The following CFAP91 variants were observed in gnomAD, a reference collection of about 807,000 sequenced individuals.
The protein encoded by CFAP91 is cilia- and flagella-associated protein 91.
Under a neutral mutation model 95.9 loss-of-function variants are expected in CFAP91, and 85 were observed. The ratio of observed to expected loss-of-function variants is 0.89; its 90% CI spans 0.74 to 1.06. The LOEUF (loss-of-function observed/expected upper bound fraction) is 1.06, where lower values mean the gene tolerates loss of function less well. CFAP91 is among the 50% of genes least tolerant of loss of function. The pLI is 0.00. For synonymous variants in CFAP91, 335 were observed against 327.5 expected, an observed-to-expected ratio of 1.02 and a Z score of -0.25; for missense variants, 962 against 943.4, an observed-to-expected ratio of 1.02 and a Z score of -0.26.
intron 14 of CFAP91, 131 bp from the exon 15 acceptor site, chr3:119,746,984 T>C (rs1312588890): frequency 1.6e-6 from 1 of 629,372 alleles, no homozygotes; most frequent in Non-Finnish European, 2.6e-6. Flanking sequence ...AAATGAATGA[T>C]TAGTGAAGGG....
intron 7 of CFAP91, among the ~76,000 whole-genome samples, chr3:119,728,123 T>G (rs1255069162): frequency 6.9e-6 from 1 of 145,582 alleles, no homozygotes; most frequent in African/African-American, 2.8e-5. Flanking sequence ...AATAATAATA[T>G]GATAATGATG....
chr3:119,734,532 TCA>T (rs1312375221), intron 10 of CFAP91, among the ~76,000 whole-genome samples: 3 of 152,234 alleles, frequency 2.0e-5, no homozygotes, highest in African/African-American at 2.4e-5. Context: ...CAAATGTTTA[TCA>T]CACAATTTTT....
At position 119,732,768 on chromosome 3, in the gene CFAP91, G is replaced by C. The variant is rs566296241; in HGVS notation, c.1201+292G>C. On this transcript the variant is annotated intron_variant, in intron 9 of 17. Coordinates refer to ENST00000273390, the MANE Select transcript of CFAP91 (RefSeq NM_033364.4). ...GAAATTGAGAAAAGTTTTATTCCAG[G>C]TTTATGAAGCCAACAAGAAATATGT... 5.9e-5 allele frequency among the ~76,000 whole-genome samples: 9 copies of C among 152,238 alleles called. No homozygotes were observed. In the East Asian group the frequency reaches 1.3e-3, roughly 23 times the overall value.
intron 17 of CFAP91, among the ~76,000 whole-genome samples, chr3:119,753,277 T>TG (rs775372694): frequency 2.6e-5 from 4 of 152,144 alleles, no homozygotes; most frequent in Non-Finnish European, 5.9e-5. Flanking sequence ...GAGTCAAGGT[T>TG]GGGGCCCTGG....
chr3:119,765,419 T>TA lies in CFAP91; in HGVS notation c.*371dup, dbSNP rs1315309283. ...TTCACAGGACATTGGCATTATCTAC[T>TA]AAGGCTGAAAATGTGCATATTCCAT... On this transcript the variant is annotated 3_prime_UTR_variant, in exon 18 of 18. Transcript: ENST00000273390. 3 of 152,218 alleles carry TA rather than the reference T, an allele frequency of 2.0e-5. No individual in the cohort carries two copies. Among genetic ancestry groups the TA allele is most frequent in the African/African-American group, 7.2e-5 (3 of 41,456 alleles). The allele number at this position is 152,218 out of a possible 1,614,324, so 9.4% of individuals were successfully genotyped here.
At chr3:119,738,137 A>G (rs1250304609) in intron 11 of CFAP91, among the ~76,000 whole-genome samples, 1 of 152,078 alleles carries the variant, frequency 6.6e-6, no homozygotes, top group Non-Finnish European at 1.5e-5. Context: ...ACAAGAAGCC[A>G]GATTGTATTC....
intron 4 of CFAP91, among the ~76,000 whole-genome samples, chr3:119,708,880 C>T (rs1019213278): frequency 1.3e-5 from 2 of 151,976 alleles, no homozygotes; most frequent in African/African-American, 4.8e-5. Context: ...AAGCTGAGAC[C>T]GAGAGATGAT....
chr3:119,743,926 C>A, intron 13 of CFAP91, 49 bp from the exon 14 acceptor site: 1 of 1,467,666 alleles, frequency 6.8e-7, no homozygotes, highest in Non-Finnish European at 9.2e-7. Context: ...CTAATAATCA[C>A]CACTCATAAT....
chr3:119,726,254 G>A lies in CFAP91; in HGVS notation c.766G>A (p.Ala256Thr), dbSNP rs771319237. The A allele has an allele frequency of 2.6e-5, 42 of 1,613,736 alleles. No homozygotes were observed. Among genetic ancestry groups the A allele is most frequent in the Admixed American group, 1.7e-4 (10 of 59,960 alleles). Residue 256 changes from alanine to threonine, a missense_variant, in exon 7 of 18, where the codon GCT (alanine) becomes ACT (threonine). Transcript: ENST00000273390. ...GCGTGCTTGGGAAGCCTCTCTCCCC[G>A]CTCTGAGTGACACCTCCCAGTTTGA... ...EKRAWEASLPALSDTSQFEKR... is the reference protein window; with the variant it reads ...EKRAWEASLPTLSDTSQFEKR...
chr3:119,708,885 G>A (rs573658910), intron 4 of CFAP91, among the ~76,000 whole-genome samples: 2 of 152,324 alleles, frequency 1.3e-5, no homozygotes, highest in South Asian at 4.1e-4. Context: ...GAGACCGAGA[G>A]ATGATAAATA....
chr3:119,720,611 G>A (rs2053666282), intron 6 of CFAP91, among the ~76,000 whole-genome samples: 2 of 152,076 alleles, frequency 1.3e-5, no homozygotes, highest in Admixed American at 1.3e-4. Flanking sequence ...CAAATAAACT[G>A]CTTTATGCAA....
intron 7 of CFAP91, 112 bp downstream of exon 7, chr3:119,726,460 CTATA>C: frequency 9.8e-7 from 1 of 1,024,378 alleles, no homozygotes. Flanking sequence ...AATCCTCAAC[CTATA>C]GAGATAGGAA....
rs182601771 is a variant in CFAP91, at chr3:119,735,727, A to G, written c.1345-1639A>G. Among the ~76,000 whole-genome samples, 20 of 152,300 alleles carry G rather than the reference A, an allele frequency of 1.3e-4. No individual in the cohort carries two copies. In the East Asian group the frequency reaches 3.9e-3, roughly 29 times the overall value. ...TTGATGGGTAGAGCAGGCACCTTAG[A>G]GCAGATTATTCCCAACTCCTTCTTC... is the stretch of plus-strand genomic sequence containing the variant. On this transcript the variant is annotated intron_variant, in intron 10 of 17. Coordinates refer to ENST00000273390, the MANE Select transcript of CFAP91 (RefSeq NM_033364.4).
At chr3:119,737,267 A>C in intron 10 of CFAP91, 99 bp from the exon 11 acceptor site, 1 of 674,820 alleles carries the variant, frequency 1.5e-6, no homozygotes, top group Non-Finnish European at 2.6e-6. Context: ...AGATTTCACC[A>C]TTATGTAATA....
At chr3:119,727,301 A>G (rs2053801343) in intron 7 of CFAP91, among the ~76,000 whole-genome samples, 1 of 152,216 alleles carries the variant, frequency 6.6e-6, no homozygotes, top group African/African-American at 2.4e-5. Context: ...TGTTTTGATA[A>G]AAGCTTGCAA....
intron 5 of CFAP91, 115 bp downstream of exon 5, chr3:119,710,010 A>C (rs2053444811): frequency 1.3e-6 from 1 of 785,786 alleles, no homozygotes; most frequent in South Asian, 1.6e-5. Flanking sequence ...ATCACAAAAC[A>C]TTAGAAGGGT....
At chr3:119,734,611 C>G (rs1179832873) in intron 10 of CFAP91, among the ~76,000 whole-genome samples, 2 of 152,052 alleles carry the variant, frequency 1.3e-5, no homozygotes, top group Non-Finnish European at 2.9e-5. Flanking sequence ...CCTTGCATAC[C>G]TGGGATGAAC....
chr3:119,720,930 G>GA (rs150482506), intron 6 of CFAP91, among the ~76,000 whole-genome samples: 7,796 of 151,910 alleles, frequency 0.051, 587 homozygotes, highest in African/African-American at 0.16. Context: ...ATAATGACAA[G>GA]AAAAAAGTTT....
chr3:119,745,351 A>G (rs1191113464), intron 14 of CFAP91, among the ~76,000 whole-genome samples: 1 of 152,228 alleles, frequency 6.6e-6, no homozygotes, highest in Non-Finnish European at 1.5e-5. Context: ...ATAGTGAGAA[A>G]CACAGATATA....
Sources: gnomAD v4.1 joint callset for allele counts (sites outside exome capture counted in the v4.1 genomes callset) on GRCh38, gnomAD v4.1.1 for gene constraint, MANE v1.5 for transcripts, NCBI Gene and HGNC (gene_info 2026-07-23, HGNC 2026-07-21) for gene names.